The following TNPO1 variants were observed in gnomAD, a reference collection of about 807,000 sequenced individuals.
TNPO1 encodes transportin-1.
TNPO1 carries 8 observed loss-of-function variants against 119.5 expected under a neutral mutation model. The ratio of observed to expected loss-of-function variants is 0.07; its 90% CI spans 0.04 to 0.12. TNPO1 has a LOEUF of 0.12. TNPO1 is among the 10% of genes least tolerant of loss of function. The probability of loss-of-function intolerance (pLI) is 1.00; values close to 1 mark genes in which losing one functional copy is unlikely to be tolerated. For missense variants in TNPO1, 576 were observed against 1,089.8 expected (o/e 0.53, Z 6.64); for synonymous variants, 362 against 363.0 (o/e 1.00, Z 0.03).
chr5:72,860,896 T>C (rs1746391896), intron 4 of TNPO1, among the ~76,000 whole-genome samples: 1 of 152,146 alleles, frequency 6.6e-6, no homozygotes, highest in Non-Finnish European at 1.5e-5. Context: ...TTCTACTCTT[T>C]TGTATGGATA....
At chr5:72,894,979 TATCA>T (rs1749316115) in intron 18 of TNPO1, among the ~76,000 whole-genome samples, 1 of 152,214 alleles carries the variant, frequency 6.6e-6, no homozygotes, top group South Asian at 2.1e-4. Flanking sequence ...ACAAACCTCC[TATCA>T]CCCAGCTTCA....
intron 3 of TNPO1, 72 bp from the exon 4 acceptor site, chr5:72,855,702 T>C (rs1017231555): frequency 7.7e-7 from 1 of 1,304,704 alleles, no homozygotes; most frequent in Non-Finnish European, 1.0e-6. Context: ...ATATAAATGT[T>C]TTTAAAACTT....
intron 22 of TNPO1, among the ~76,000 whole-genome samples, chr5:72,902,055 A>T (rs1420627821): frequency 1.3e-5 from 2 of 151,616 alleles, no homozygotes; most frequent in African/African-American, 4.8e-5. Flanking sequence ...AGTCTGGGGG[A>T]CAAGAGCGAG....
intron 2 of TNPO1, among the ~76,000 whole-genome samples, chr5:72,849,251 A>G (rs1745365669): frequency 6.6e-6 from 1 of 152,212 alleles, no homozygotes. Context: ...TTTTAGAGAC[A>G]GGAAAGGTTA....
At chr5:72,888,339 A>G (rs201020388) in intron 13 of TNPO1, 36 bp downstream of exon 13, 4 of 1,574,118 alleles carry the variant, frequency 2.5e-6, no homozygotes, top group African/African-American at 1.3e-5. Flanking sequence ...TCTTTGTGGC[A>G]GTGAAAAACT....
chr5:72,850,002 A>G (rs1340016954), intron 2 of TNPO1, among the ~76,000 whole-genome samples: 1 of 152,138 alleles, frequency 6.6e-6, no homozygotes, highest in Non-Finnish European at 1.5e-5. Flanking sequence ...GCAAGTAGTC[A>G]ATTTACAGTT....
chr5:72,836,273 GAGCCCC>G (rs1741451302), intron 1 of TNPO1, among the ~76,000 whole-genome samples: 1 of 152,230 alleles, frequency 6.6e-6, no homozygotes, highest in Non-Finnish European at 1.5e-5. Context: ...TGCTCTGCCT[GAGCCCC>G]AGGGTTTTTC....
intron 18 of TNPO1, 42 bp downstream of exon 18, chr5:72,893,745 T>G: frequency 6.5e-7 from 1 of 1,547,132 alleles, no homozygotes; most frequent in Non-Finnish European, 8.9e-7. Context: ...TTTTTTAAAG[T>G]TAACATTTAC....
At chr5:72,863,914 T>C (rs1470477284) in intron 5 of TNPO1, among the ~76,000 whole-genome samples, 1 of 152,120 alleles carries the variant, frequency 6.6e-6, no homozygotes, top group Non-Finnish European at 1.5e-5. Flanking sequence ...GAATAAAAAA[T>C]TTAAGCTGCA....
intron 12 of TNPO1, 98 bp downstream of exon 12, chr5:72,887,320 A>T: frequency 7.5e-7 from 1 of 1,341,800 alleles, no homozygotes; most frequent in Non-Finnish European, 1.0e-6. Context: ...ATTTTGAACC[A>T]GATAACTAGT....
At chr5:72,848,560 C>A (rs986811009) in intron 2 of TNPO1, 62 bp downstream of exon 2, 84 of 1,082,750 alleles carry the variant, frequency 7.8e-5, no homozygotes, top group Non-Finnish European at 1.0e-4. Context: ...GCCCAGCCCC[C>A]GGCGGCCGGG....
intron 1 of TNPO1, among the ~76,000 whole-genome samples, chr5:72,840,126 A>G (rs1039737455): frequency 1.3e-5 from 2 of 152,062 alleles, no homozygotes; most frequent in Non-Finnish European, 2.9e-5. Flanking sequence ...TATAACGCAG[A>G]CCGCTCATAG....
intron 7 of TNPO1, 55 bp downstream of exon 7, chr5:72,872,775 G>A (rs1747501504): frequency 3.7e-6 from 4 of 1,093,332 alleles, no homozygotes; most frequent in Admixed American, 4.7e-5. Context: ...TTTTGAGAAG[G>A]TTAGGTGATG....
rs3797348 is a variant in TNPO1 at position 72,830,369 on chromosome 5, A to G, written c.15+13617A>G. Among the ~76,000 whole-genome samples the G allele has an allele frequency of 1.1e-3, 173 of 152,306 alleles. 1 individual carries two copies. The East Asian group carries it at 0.027, about 24-fold the overall frequency. On this transcript the variant is annotated intron_variant, in intron 1 of 24. Transcript: ENST00000337273. The stretch of plus-strand genomic sequence containing the variant: ...TTATTGTATTCTGATTCTGGGAAAT[A>G]CAAACTCCTGAACATCTCAAATGTT...
At chr5:72,848,132 G>A (rs1330609505) in intron 1 of TNPO1, 3 of 1,196,554 alleles carry the variant, frequency 2.5e-6, no homozygotes, top group East Asian at 8.7e-5. Context: ...ACTCAGTCTG[G>A]TCGGCTCCTT....
chr5:72,816,933 C>T (rs1292620762), intron 1 of TNPO1, 181 bp downstream of exon 1: 1 of 658,140 alleles, frequency 1.5e-6, no homozygotes, highest in Admixed American at 3.8e-5. Context: ...AGCTGCCCGC[C>T]CAGGCGCCCT....
At position 72,889,338 on chromosome 5, in the gene TNPO1, G is replaced by C. The variant is rs765629744; in HGVS notation, c.1530-448G>C. ...CTCCCAAAGTGCTGGGATTGCAGGC[G>C]TGAGCCACCGCGCCTGGCAGGGATA... On this transcript the variant is annotated intron_variant, in intron 13 of 24. Transcript: ENST00000337273. Among the ~76,000 whole-genome samples the C allele has an allele frequency of 1.1e-3, 162 of 152,310 alleles. 2 individuals are homozygous for C. The highest frequency in any genetic ancestry group is 2.8e-4 in the Non-Finnish European group (19 of 68,038).
intron 4 of TNPO1, among the ~76,000 whole-genome samples, chr5:72,859,262 A>G (rs1022198681): frequency 1.3e-5 from 2 of 152,036 alleles, no homozygotes; most frequent in Non-Finnish European, 2.9e-5. Context: ...TTGTTGGGCT[A>G]TTTTGTCTGT....
intron 1 of TNPO1, among the ~76,000 whole-genome samples, chr5:72,835,069 A>AGGC (rs774398183): frequency 6.2e-4 from 94 of 152,310 alleles, no homozygotes; most frequent in South Asian, 5.8e-3. Context: ...GGTGTGTAGT[A>AGGC]GGCTATACCA....
Sources: allele counts gnomAD v4.1 joint callset (sites outside exome capture counted in the v4.1 genomes callset), GRCh38; gene constraint gnomAD v4.1.1; transcripts MANE v1.5; gene names NCBI Gene and HGNC (gene_info 2026-07-23, HGNC 2026-07-21).